Variants in EPHA6 observed in about 807,000 individuals in gnomAD.
The protein encoded by EPHA6 is EPH receptor A6.
A neutral mutation model predicts 112.0 loss-of-function variants in EPHA6; 50 were observed. The ratio of observed to expected loss-of-function variants is 0.45; its 90% CI spans 0.36 to 0.56. EPHA6 has a LOEUF of 0.56. Ranked by LOEUF, EPHA6 falls within the 20% of genes least tolerant of loss-of-function variation. The probability of loss-of-function intolerance (pLI) is 0.00; values close to 1 mark genes in which losing one functional copy is unlikely to be tolerated. For missense variants in EPHA6, 1,280 were observed against 1,417.4 expected, an observed-to-expected ratio of 0.90 and a Z score of 1.56; for synonymous variants, 529 against 490.7, an observed-to-expected ratio of 1.08 and a Z score of -1.03.
At chr3:97,643,351 T>C (rs1296963854) in intron 14 of EPHA6, among the ~76,000 whole-genome samples, 2 of 151,740 alleles carry the variant, frequency 1.3e-5, no homozygotes, top group Admixed American at 6.6e-5. Context: ...CAAAATGTAA[T>C]GACCATCCAG....
At chr3:97,404,986 G>A (rs1370018853) in intron 5 of EPHA6, among the ~76,000 whole-genome samples, 164 bp from the exon 6 acceptor site, 3 of 152,054 alleles carry the variant, frequency 2.0e-5, no homozygotes, top group Non-Finnish European at 4.4e-5. Flanking sequence ...TGCCTTATTT[G>A]GATCGAATAG....
At chr3:97,672,831 A>G (rs1476714738) in intron 14 of EPHA6, among the ~76,000 whole-genome samples, 1 of 152,232 alleles carries the variant, frequency 6.6e-6, no homozygotes, top group Non-Finnish European at 1.5e-5. Context: ...TCCTTGCTCT[A>G]AAAAGTTGAA....
At chr3:97,476,903 G>T (rs2091384842) in intron 8 of EPHA6, among the ~76,000 whole-genome samples, 1 of 151,904 alleles carries the variant, frequency 6.6e-6, no homozygotes, top group Non-Finnish European at 1.5e-5. Context: ...GGGAGTATTT[G>T]GGGGTCTCTA....
At chr3:97,601,611 C>T (rs1398657191) in intron 12 of EPHA6, among the ~76,000 whole-genome samples, 1 of 151,662 alleles carries the variant, frequency 6.6e-6, no homozygotes, top group Non-Finnish European at 1.5e-5. Flanking sequence ...GTCTTAACAG[C>T]GAGTGCATTT....
chr3:97,102,027 A>T (rs1242478189), intron 3 of EPHA6, among the ~76,000 whole-genome samples: 1 of 152,088 alleles, frequency 6.6e-6, no homozygotes, highest in Admixed American at 6.6e-5. Flanking sequence ...AACTTGCCAG[A>T]GGTGACATCT....
intron 3 of EPHA6, among the ~76,000 whole-genome samples, chr3:97,150,512 C>G (rs1345144655): frequency 2.0e-5 from 3 of 152,014 alleles, no homozygotes; most frequent in Non-Finnish European, 4.4e-5. Context: ...TCTGCAAGCT[C>G]AGGGTTCCGC....
At chr3:97,050,130 C>G (rs2045638357) in intron 3 of EPHA6, among the ~76,000 whole-genome samples, 1 of 152,126 alleles carries the variant, frequency 6.6e-6, no homozygotes, top group Admixed American at 6.6e-5. Flanking sequence ...GCTCTGGACT[C>G]AGACCAACGT....
chr3:97,362,395 C>T (rs1196239197), intron 5 of EPHA6, among the ~76,000 whole-genome samples: 1 of 151,988 alleles, frequency 6.6e-6, no homozygotes, highest in Non-Finnish European at 1.5e-5. Flanking sequence ...TAAAACACCT[C>T]ACATGCGATA....
intron 2 of EPHA6, among the ~76,000 whole-genome samples, chr3:96,880,404 T>C (rs1023791347): frequency 6.6e-6 from 1 of 152,072 alleles, no homozygotes; most frequent in Non-Finnish European, 1.5e-5. Flanking sequence ...TAAAGACATA[T>C]AGAAATTGAA....
intron 11 of EPHA6, among the ~76,000 whole-genome samples, chr3:97,575,965 C>T (rs984182211): frequency 2.6e-5 from 4 of 152,098 alleles, no homozygotes; most frequent in Admixed American, 6.6e-5. Context: ...GATTAGAAGA[C>T]GACTCTGAGG....
chr3:97,246,001 AT>A (rs1242516318), intron 5 of EPHA6, among the ~76,000 whole-genome samples: 1 of 152,016 alleles, frequency 6.6e-6, no homozygotes, highest in Non-Finnish European at 1.5e-5. Flanking sequence ...TAGTCTTTGT[AT>A]TTACTGTGTA....
intron 2 of EPHA6, among the ~76,000 whole-genome samples, chr3:96,911,061 C>A (rs1382679656): frequency 1.3e-5 from 2 of 151,938 alleles, no homozygotes; most frequent in Non-Finnish European, 2.9e-5. Flanking sequence ...ATATGAAAAG[C>A]TGTATTTAGG....
chr3:97,031,244 G>T (rs2612280), intron 3 of EPHA6, among the ~76,000 whole-genome samples: 42,017 of 151,792 alleles, frequency 0.28, 9,967 homozygotes, highest in African/African-American at 0.63. Context: ...GCTAGCCATA[G>T]GTAGAAAGCT....
intron 14 of EPHA6, among the ~76,000 whole-genome samples, chr3:97,692,532 T>C (rs2032736703): frequency 6.6e-6 from 1 of 152,326 alleles, no homozygotes; most frequent in African/African-American, 2.4e-5. Flanking sequence ...AATTGACCCT[T>C]CAGCGCCGAA....
Position 97,753,148 on chromosome 3 carries a change from T to C in EPHA6, c.*4447T>C, listed in dbSNP as rs74876737. 4.4e-3 allele frequency among the ~76,000 whole-genome samples: 668 copies of C among 152,274 alleles called. 14 individuals carry two copies. The highest frequency in any genetic ancestry group is 0.043 in the East Asian group (225 of 5,180). On this transcript the variant is annotated 3_prime_UTR_variant, in exon 18 of 18. Coordinates refer to ENST00000389672, the MANE Select transcript of EPHA6 (RefSeq NM_001080448.3). Reference sequence around the variant, plus strand: ...TTTATAATGTTCCACAAAGACAGTATAGATTTTATCTAGTTCAGCTTAACA... The same window carrying C: ...TTTATAATGTTCCACAAAGACAGTACAGATTTTATCTAGTTCAGCTTAACA...
intron 14 of EPHA6, among the ~76,000 whole-genome samples, chr3:97,697,417 A>C (rs1373845987): frequency 6.6e-6 from 1 of 152,198 alleles, no homozygotes; most frequent in Non-Finnish European, 1.5e-5. Context: ...AATAAAAATA[A>C]AGGACATTTT....
At chr3:97,002,579 T>C (rs2043706697) in intron 3 of EPHA6, among the ~76,000 whole-genome samples, 1 of 151,890 alleles carries the variant, frequency 6.6e-6, no homozygotes, top group South Asian at 2.1e-4. Flanking sequence ...TTGAATATTA[T>C]GTATTTTCTT....
intron 5 of EPHA6, among the ~76,000 whole-genome samples, chr3:97,326,404 A>G (rs1225309974): frequency 1.3e-5 from 2 of 151,766 alleles, no homozygotes; most frequent in African/African-American, 4.8e-5. Context: ...ATTAAACAAT[A>G]TAAATCTTAT....
chr3:96,875,406 C>T (rs546952788), intron 2 of EPHA6, among the ~76,000 whole-genome samples: 18 of 152,148 alleles, frequency 1.2e-4, no homozygotes, highest in African/African-American at 4.1e-4. Flanking sequence ...CTTCTTTCTC[C>T]ACTATCTCAG....
Sources: allele counts gnomAD v4.1 joint callset (sites outside exome capture counted in the v4.1 genomes callset), GRCh38; gene constraint gnomAD v4.1.1; transcripts MANE v1.5; gene names NCBI Gene and HGNC (gene_info 2026-07-23, HGNC 2026-07-21).